Variants in CRIPTO observed in about 807,000 individuals in gnomAD.
CRIPTO encodes the protein cripto, EGF-CFC family member.
chr3:46,579,677 A>G, the CRIPTO span: 1 of 1,542,140 alleles, frequency 6.5e-7, no homozygotes, highest in South Asian at 1.1e-5. Context: ...ACCTTCGCTT[A>G]CAGGAATTGC....
chr3:46,578,654 G>A, the CRIPTO span, among the ~76,000 whole-genome samples: 87 of 152,218 alleles, frequency 5.7e-4, 1 homozygote, highest in South Asian at 9.8e-3. Flanking sequence ...GCAGTGAGCC[G>A]AGATCGCACC....
At chr3:46,579,706 C>A in the CRIPTO span, 5 of 1,608,724 alleles carry the variant, frequency 3.1e-6, no homozygotes, top group East Asian at 8.9e-5. Context: ...TTTTCCATCC[C>A]TACACCCTCA....
chr3:46,577,014 G>A, the CRIPTO span, among the ~76,000 whole-genome samples: 1 of 152,094 alleles, frequency 6.6e-6, no homozygotes, highest in African/African-American at 2.4e-5. Flanking sequence ...CCCGTGATTG[G>A]GGGCTGAAAT....
At chr3:46,577,209 C>A in the CRIPTO span, 1 of 152,284 alleles carries the variant, frequency 6.6e-6, no homozygotes, top group African/African-American at 2.4e-5. Flanking sequence ...GTCTGGAGCC[C>A]CCAAGGAACC....
chr3:46,579,273 C>T, the CRIPTO span: 2 of 1,614,194 alleles, frequency 1.2e-6, no homozygotes, highest in East Asian at 4.5e-5. Context: ...TCGGGGATAC[C>T]TGGCCTTCAG....
At chr3:46,580,532 ACCTTACCATGACTGGTCACAGAAC>A in the CRIPTO span, among the ~76,000 whole-genome samples, 11 of 142,054 alleles carry the variant, frequency 7.7e-5, no homozygotes, top group South Asian at 2.8e-4. Flanking sequence ...CCCTCCCCAT[ACCTTACCATGACTGGTCACAGAAC>A]CCTTACCATG....
the CRIPTO span, chr3:46,581,982 A>G: frequency 6.6e-6 from 1 of 152,556 alleles, no homozygotes; most frequent in Admixed American, 6.5e-5. Context: ...AGGAAAGAAA[A>G]CATCTTTAAG....
chr3:46,579,992 A>G, the CRIPTO span: 1 of 1,614,228 alleles, frequency 6.2e-7, no homozygotes, highest in Non-Finnish European at 8.5e-7. Context: ...CTGCCCAAGA[A>G]GTGTTCCCTG....
the CRIPTO span, among the ~76,000 whole-genome samples, chr3:46,580,778 A>G: frequency 6.6e-6 from 1 of 152,218 alleles, no homozygotes; most frequent in Non-Finnish European, 1.5e-5. Flanking sequence ...CAGGAAGTAA[A>G]TGAAAGCAAA....
At chr3:46,574,571 A>G in the CRIPTO span, 1 of 152,226 alleles carries the variant, frequency 6.6e-6, no homozygotes, top group Non-Finnish European at 1.5e-5. Flanking sequence ...TGTTCAAGGG[A>G]ACAATGACAG....
the CRIPTO span, chr3:46,578,952 C>A: frequency 1.1e-6 from 1 of 882,462 alleles, no homozygotes; most frequent in Non-Finnish European, 1.8e-6. Flanking sequence ...CATGAATTAG[C>A]CATTAAAAAA....
the CRIPTO span, chr3:46,579,893 G>A: frequency 6.2e-7 from 1 of 1,614,190 alleles, no homozygotes; most frequent in Non-Finnish European, 8.5e-7. Context: ...GGAGAGGAGA[G>A]AGAAAGGGAA....
chr3:46,577,588 T>A, the CRIPTO span: 1 of 265,496 alleles, frequency 3.8e-6, no homozygotes, highest in Non-Finnish European at 7.2e-6. Flanking sequence ...CTGCAACTAA[T>A]GATAGAGATA....
chr3:46,575,532 T>A, the CRIPTO span, among the ~76,000 whole-genome samples: 674 of 152,256 alleles, frequency 4.4e-3, 9 homozygotes, highest in African/African-American at 0.016. Flanking sequence ...GAGAAGGGAT[T>A]TTGTGTGGCT....
the CRIPTO span, chr3:46,578,019 T>C: frequency 2.5e-6 from 4 of 1,613,930 alleles, no homozygotes; most frequent in Non-Finnish European, 3.4e-6. Context: ...GAGCTAATCT[T>C]GAATGTGAAC....
At chr3:46,576,680 TG>T in the CRIPTO span, among the ~76,000 whole-genome samples, 1 of 152,140 alleles carries the variant, frequency 6.6e-6, no homozygotes, top group Non-Finnish European at 1.5e-5. Context: ...GTTTCGCATT[TG>T]TGTGCCTGGC....
the CRIPTO span, chr3:46,577,643 T>C: frequency 4.4e-6 from 2 of 451,376 alleles, no homozygotes; most frequent in Non-Finnish European, 8.0e-6. Context: ...TCTTCCCGCG[T>C]GTGGGCCATT....
chr3:46,575,847 G>C, the CRIPTO span, among the ~76,000 whole-genome samples: 1 of 152,066 alleles, frequency 6.6e-6, no homozygotes, highest in South Asian at 2.1e-4. Context: ...GGACTGGTGA[G>C]GACTGTGGTG....
At chr3:46,577,564 C>G in the CRIPTO span, 1 of 226,370 alleles carries the variant, frequency 4.4e-6, no homozygotes, top group South Asian at 8.5e-5. Context: ...AAGAGTACCT[C>G]TGATCATTTT....
Sources: allele counts gnomAD v4.1 joint callset (sites outside exome capture counted in the v4.1 genomes callset), GRCh38; gene constraint gnomAD v4.1.1; transcripts MANE v1.5; gene names NCBI Gene and HGNC (gene_info 2026-07-23, HGNC 2026-07-21).